ADGRF4: variants seen among roughly 807,000 people sequenced by gnomAD.
ADGRF4 encodes adhesion G protein-coupled receptor F4, also known as G-protein coupled receptor PGR18.
Under a neutral mutation model 58.5 loss-of-function variants are expected in ADGRF4, and 63 were observed. The ratio of observed to expected loss-of-function variants is 1.08; its 90% CI spans 0.88 to 1.33. The LOEUF is 1.33. ADGRF4 is among the 40% of genes most tolerant of loss of function. The pLI, the probability that ADGRF4 is intolerant of heterozygous loss-of-function variation, is 0.00. For missense variants in ADGRF4, 931 were observed against 843.9 expected, an observed-to-expected ratio of 1.10 and a Z score of -1.28; for synonymous variants, 313 against 295.4, an observed-to-expected ratio of 1.06 and a Z score of -0.61.
rs551517866 is a variant in ADGRF4 at position 47,712,497 on chromosome 6, T to C, written c.441T>C (p.Thr147=). ...GCCCCTTTGATTATGCCTGCATCAC[T>C]GACATGGTGAAATCATCAGAAACAA... ...KNCPFDYACI[T]DMVKSSETTS... The change falls in exon 5 of 10, where the codon ACT becomes ACC. Residue 147 remains threonine, a synonymous_variant. Transcript: ENST00000283303. 24 of 1,614,016 alleles carry C rather than the reference T, an allele frequency of 1.5e-5. No homozygotes were observed. In the East Asian group the frequency reaches 4.7e-4, roughly 31 times the overall value.
intron 6 of ADGRF4, 180 bp downstream of exon 6, chr6:47,715,357 T>A: frequency 5.5e-6 from 3 of 546,932 alleles, no homozygotes; most frequent in Non-Finnish European, 9.6e-6. Context: ...ACCAGGGTGG[T>A]TGGGTGGAAA....
Position 47,708,258 on chromosome 6 carries a change from C to A in ADGRF4, c.128C>A (p.Pro43His), listed in dbSNP as rs754434140. ...AAACTTCAAAGCCCTGAAGGGAAAC[C>A]CAAGACTGGAAGGATCCAAGGTATG... ...GDKLQSPEGKPKTGRIQEKCE... is the reference protein window; with the variant it reads ...GDKLQSPEGKHKTGRIQEKCE... Residue 43 changes from proline to histidine, a missense_variant, in exon 3 of 10, where the codon CCC becomes CAC. Physicochemically the swap from Pro to His is moderately conservative, Grantham distance 77. Coordinates refer to ENST00000283303, the MANE Select transcript of ADGRF4 (RefSeq NM_153838.5). 2.5e-6 allele frequency: 4 copies of A among 1,612,042 alleles called. No homozygotes were observed. Among genetic ancestry groups the A allele is most frequent in the Non-Finnish European group, 1.7e-6 (2 of 1,178,226 alleles).
chr6:47,708,266 G>C lies in ADGRF4; in HGVS notation c.136G>C (p.Gly46Arg). The C allele has an allele frequency of 1.2e-6, 2 of 1,611,036 alleles. No homozygotes were observed. The highest frequency in any genetic ancestry group is 1.7e-6 in the Non-Finnish European group (2 of 1,177,300). Residue 46 changes from glycine to arginine, a missense_variant, in exon 3 of 10, where the codon GGA (glycine) becomes CGA (arginine). Transcript: ENST00000283303. ...LQSPEGKPKT[G>R]RIQEKCEGPC... Reference sequence around the variant, plus strand: ...AAGCCCTGAAGGGAAACCCAAGACTGGAAGGATCCAAGGTATGTGGCTATA... The same window carrying C: ...AAGCCCTGAAGGGAAACCCAAGACTCGAAGGATCCAAGGTATGTGGCTATA...
intron 2 of ADGRF4, 30 bp from the exon 3 acceptor site, chr6:47,708,194 A>G: frequency 6.4e-7 from 1 of 1,574,706 alleles, no homozygotes. Context: ...CCCACAGTAA[A>G]GAGGACCATT....
chr6:47,712,291 T>A (rs1771889623), intron 4 of ADGRF4, 66 bp from the exon 5 acceptor site: 1 of 1,513,996 alleles, frequency 6.6e-7, no homozygotes. Flanking sequence ...GTGCTTTAAC[T>A]CCTTTAGTCT....
At chr6:47,711,052 T>C (rs1771852015) in intron 4 of ADGRF4, among the ~76,000 whole-genome samples, 166 bp downstream of exon 4, 1 of 151,736 alleles carries the variant, frequency 6.6e-6, no homozygotes, top group African/African-American at 2.4e-5. Flanking sequence ...TTACCCAAAC[T>C]TTCAGGTACT....
chr6:47,699,496 T>G (rs1771536770), intron 1 of ADGRF4, among the ~76,000 whole-genome samples: 1 of 152,210 alleles, frequency 6.6e-6, no homozygotes, highest in African/African-American at 2.4e-5. Context: ...TGGTGAGATA[T>G]CTAGATGTCT....
Position 47,714,374 on chromosome 6 carries a change from C to T in ADGRF4, c.1129C>T (p.Arg377Cys), listed in dbSNP as rs148785579. 2.1e-4 allele frequency: 335 copies of T among 1,613,966 alleles called. No individual in the cohort carries two copies. The highest frequency in any genetic ancestry group is 7.1e-5 in the Non-Finnish European group (84 of 1,180,008). The change falls in exon 6 of 10, where the codon CGC (arginine) becomes TGC (cysteine). Residue 377 changes from arginine (R) to cysteine (C), a missense_variant. Coordinates refer to ENST00000283303, the MANE Select transcript of ADGRF4 (RefSeq NM_153838.5). ...MLDIRNEVKC[R>C]CNYTSVVMSF... ...GGATATCAGGAACGAAGTGAAATGC[C>T]GCTGTAACTACACCAGTGTGGTGAT...
intron 1 of ADGRF4, among the ~76,000 whole-genome samples, chr6:47,700,337 C>T (rs1488786829): frequency 9.9e-5 from 15 of 152,190 alleles, no homozygotes; most frequent in Non-Finnish European, 5.9e-5. Flanking sequence ...AGTACTCAGT[C>T]TGTGTGAGTC....
intron 6 of ADGRF4, 192 bp downstream of exon 6, chr6:47,715,369 C>A: frequency 1.9e-6 from 1 of 525,468 alleles, no homozygotes; most frequent in East Asian, 2.9e-5. Flanking sequence ...GGGTGGAAAT[C>A]TCCTTCCTTC....
chr6:47,714,494 G>T lies in ADGRF4; in HGVS notation c.1249G>T (p.Val417Phe), dbSNP rs746256313. The T allele has an allele frequency of 3.7e-5, 59 of 1,613,986 alleles. No individual in the cohort carries two copies. The highest frequency in any genetic ancestry group is 5.0e-5 in the Non-Finnish European group (59 of 1,180,012). Residue 417 changes from valine to phenylalanine, a missense_variant, in exon 6 of 10, where the codon GTT (valine) becomes TTT (phenylalanine). By Grantham distance (50) the Val-to-Phe change is conservative (BLOSUM62 -1). Transcript: ENST00000283303. ...GCTCAGCGTCTCAATCCTAAGCTTG[G>T]TTCTTTGCCTGATCATTGAAGCCAC... Reference protein sequence around the residue: ...IGLSVSILSLVLCLIIEATVW... With the variant: ...IGLSVSILSLFLCLIIEATVW...
At chr6:47,719,373 G>A (rs1023704478) in intron 9 of ADGRF4, among the ~76,000 whole-genome samples, 4 of 152,214 alleles carry the variant, frequency 2.6e-5, no homozygotes, top group African/African-American at 7.2e-5. Flanking sequence ...CTGGGAAAAC[G>A]GGGAGAGGAA....
chr6:47,702,140 A>G (rs1771604321), intron 1 of ADGRF4, among the ~76,000 whole-genome samples: 1 of 152,212 alleles, frequency 6.6e-6, no homozygotes, highest in Non-Finnish European at 1.5e-5. Flanking sequence ...CGCCTGGCCT[A>G]GAATTTCTGA....
intron 8 of ADGRF4, 63 bp downstream of exon 8, chr6:47,717,414 C>A (rs1772049364): frequency 4.0e-6 from 4 of 1,010,498 alleles, no homozygotes; most frequent in African/African-American, 1.6e-5. Context: ...TATGCAGAGA[C>A]AAATACCATA....
intron 7 of ADGRF4, 125 bp from the exon 8 acceptor site, chr6:47,717,167 G>A (rs1772040851): frequency 5.3e-6 from 4 of 751,200 alleles, no homozygotes; most frequent in Non-Finnish European, 9.8e-6. Context: ...TTACTTGCCA[G>A]TCACTATGCT....
chr6:47,710,630 A>G (rs1350689630), intron 3 of ADGRF4, 105 bp from the exon 4 acceptor site: 1 of 1,215,182 alleles, frequency 8.2e-7, no homozygotes, highest in Non-Finnish European at 1.2e-6. Context: ...TGCCTCCTCC[A>G]GGAAGCAATC....
chr6:47,713,886 T>C lies in ADGRF4; in HGVS notation c.641T>C (p.Leu214Ser). 2 of 1,608,218 alleles carry C rather than the reference T, an allele frequency of 1.2e-6. No individual in the cohort carries two copies. Among genetic ancestry groups the C allele is most frequent in the African/African-American group, 1.3e-5 (1 of 74,744 alleles). ...CCCAACAAAAATGCCAGCTCGGATT[T>C]GTTGCAGTCAGTGAATTTGTTTGCC... is the stretch of plus-strand genomic sequence containing the variant. ...FIPNKNASSDLLQSVNLFARQ... is the reference protein window; with the variant it reads ...FIPNKNASSDSLQSVNLFARQ... Residue 214 changes from leucine (L) to serine (S), a missense_variant, in exon 6 of 10, where the codon TTG becomes TCG. Coordinates refer to ENST00000283303, the MANE Select transcript of ADGRF4 (RefSeq NM_153838.5).
In ADGRF4 at chr6:47,714,579, A is replaced by G. The variant is rs1194960417; in HGVS notation, c.1334A>G (p.Asn445Ser). The G allele has an allele frequency of 6.2e-7, 1 of 1,614,154 alleles. No individual in the cohort carries two copies. The highest frequency in any genetic ancestry group is 1.6e-4 in the Middle Eastern group (1 of 6,062). The change falls in exon 6 of 10, where the codon AAT (asparagine) becomes AGT (serine). Residue 445 changes from asparagine to serine, a missense_variant. By Grantham distance (46) the Asn-to-Ser change is conservative. Coordinates refer to ENST00000283303, the MANE Select transcript of ADGRF4 (RefSeq NM_153838.5). ...TACATGCGTCACGTGTGCATCGTGA[A>G]TATAGCAGTGTCCCTTCTGACTGCC... Reference protein sequence around the residue: ...ISYMRHVCIVNIAVSLLTANV... With the variant: ...ISYMRHVCIVSIAVSLLTANV...
chr6:47,706,769 T>C (rs1369638506), intron 1 of ADGRF4, among the ~76,000 whole-genome samples: 1 of 152,250 alleles, frequency 6.6e-6, no homozygotes, highest in East Asian at 1.9e-4. Flanking sequence ...ATCAGAGTGA[T>C]GTTGGGCTCA....
Sources: allele counts gnomAD v4.1 joint callset (sites outside exome capture counted in the v4.1 genomes callset), GRCh38; gene constraint gnomAD v4.1.1; transcripts MANE v1.5; gene names NCBI Gene and HGNC (gene_info 2026-07-23, HGNC 2026-07-21).